Variants in STK39 observed in about 807,000 individuals in gnomAD.
STK39 encodes STE20/SPS1-related proline-alanine-rich protein kinase.
A neutral mutation model predicts 77.8 loss-of-function variants in STK39; 20 were observed. The observed-to-expected ratio is 0.26, with a 90% CI of 0.18 to 0.37. The LOEUF (loss-of-function observed/expected upper bound fraction) is 0.37. Among genes scored for constraint, STK39 ranks in the 10% least tolerant of loss-of-function variants. The pLI is 1.00. For synonymous variants in STK39, 246 were observed against 234.1 expected, an observed-to-expected ratio of 1.05 and a Z score of -0.47; for missense variants, 479 against 656.5, an observed-to-expected ratio of 0.73 and a Z score of 2.95.
intron 10 of STK39, among the ~76,000 whole-genome samples, chr2:168,118,849 C>A (rs1018710839): frequency 1.3e-5 from 2 of 152,112 alleles, no homozygotes; most frequent in Non-Finnish European, 2.9e-5. Flanking sequence ...ATAGCACCCC[C>A]TAGTGACCAA....
chr2:168,040,473 A>G (rs1195655141), intron 14 of STK39, among the ~76,000 whole-genome samples: 3 of 152,214 alleles, frequency 2.0e-5, no homozygotes, highest in Admixed American at 6.5e-5. Flanking sequence ...AATCTTCTTC[A>G]TGTGGATGAA....
intron 5 of STK39, among the ~76,000 whole-genome samples, chr2:168,147,941 C>G (rs1688185252): frequency 6.6e-6 from 1 of 152,220 alleles, no homozygotes; most frequent in Non-Finnish European, 1.5e-5. Context: ...GCAATCCAGA[C>G]TTACTTATTA....
intron 16 of STK39, among the ~76,000 whole-genome samples, chr2:167,967,885 C>T (rs549197775): frequency 1.3e-5 from 2 of 152,234 alleles, no homozygotes; most frequent in South Asian, 4.2e-4. Context: ...TGGGGTATGA[C>T]TGATCCTGTT....
intron 5 of STK39, among the ~76,000 whole-genome samples, chr2:168,147,166 G>C (rs199712188): frequency 6.6e-6 from 1 of 152,192 alleles, no homozygotes; most frequent in African/African-American, 2.4e-5. Flanking sequence ...ACTGGTTTGA[G>C]GTTCACTGGT....
chr2:168,202,062 A>G (rs1262354241), intron 1 of STK39, among the ~76,000 whole-genome samples: 2 of 152,166 alleles, frequency 1.3e-5, no homozygotes, highest in East Asian at 3.9e-4. Flanking sequence ...CCCCCGCTAC[A>G]TGCTCACCTG....
At chr2:168,168,395 A>C (rs1688740362) in intron 2 of STK39, among the ~76,000 whole-genome samples, 1 of 152,168 alleles carries the variant, frequency 6.6e-6, no homozygotes, top group Admixed American at 6.6e-5. Context: ...GACCAGTGTA[A>C]CTCACTTTCA....
intron 3 of STK39, among the ~76,000 whole-genome samples, chr2:168,165,743 A>G (rs1467765785): frequency 6.6e-6 from 1 of 151,796 alleles, no homozygotes; most frequent in East Asian, 1.9e-4. Context: ...TGCCTTCGTC[A>G]TCTCATTTTT....
intron 3 of STK39, 100 bp downstream of exon 3, chr2:168,167,199 C>T: frequency 1.0e-6 from 1 of 984,462 alleles, no homozygotes; most frequent in South Asian, 1.5e-5. Context: ...CTTTCAAACA[C>T]AGGAGAGAAA....
intron 10 of STK39, among the ~76,000 whole-genome samples, chr2:168,100,439 T>G (rs1486599423): frequency 2.0e-5 from 3 of 152,070 alleles, no homozygotes; most frequent in Non-Finnish European, 4.4e-5. Flanking sequence ...TTTAGTTAGT[T>G]AGTTTTAAAG....
chr2:168,215,608 G>C (rs1690006327), intron 1 of STK39, among the ~76,000 whole-genome samples: 1 of 152,130 alleles, frequency 6.6e-6, no homozygotes, highest in Non-Finnish European at 1.5e-5. Flanking sequence ...AGAGTTCTCT[G>C]AGACTTTTTC....
chr2:168,149,475 T>C (rs1688225241), intron 5 of STK39, among the ~76,000 whole-genome samples: 1 of 152,246 alleles, frequency 6.6e-6, no homozygotes. Flanking sequence ...TGAAACCAAA[T>C]GCCCAGACTT....
intron 13 of STK39, among the ~76,000 whole-genome samples, chr2:168,064,000 G>A (rs141493236): frequency 2.0e-5 from 3 of 152,154 alleles, no homozygotes; most frequent in Non-Finnish European, 2.9e-5. Flanking sequence ...TTCTCACCTA[G>A]AGCCCATTTT....
intron 1 of STK39, among the ~76,000 whole-genome samples, chr2:168,228,644 G>C (rs1690368442): frequency 6.6e-6 from 1 of 152,034 alleles, no homozygotes; most frequent in African/African-American, 2.4e-5. Context: ...TACAAAATTA[G>C]CCTAGTGTGG....
At position 168,147,846 on chromosome 2, in the gene STK39, G is replaced by A. The variant is rs200046852; in HGVS notation, c.629-7088C>T. Among the ~76,000 whole-genome samples the A allele has an allele frequency of 2.7e-3, 408 of 152,232 alleles. 1 individual carries two copies. The highest frequency in any genetic ancestry group is 9.1e-3 in the African/African-American group (379 of 41,536). ...CAGGGCCCTTTCACCCGATTTTCTT[G>A]GTGAAAGAAGAAAAACACAGACCAG... On this transcript the variant is annotated intron_variant, in intron 5 of 17. Transcript: ENST00000355999.
At chr2:168,153,401 G>C (rs746338709) in intron 5 of STK39, among the ~76,000 whole-genome samples, 17 of 152,286 alleles carry the variant, frequency 1.1e-4, no homozygotes, top group Non-Finnish European at 2.5e-4. Context: ...GTAGTTCTCA[G>C]ACTTCAGCCT....
At chr2:168,001,024 C>T (rs1005965020) in intron 16 of STK39, among the ~76,000 whole-genome samples, 7 of 152,144 alleles carry the variant, frequency 4.6e-5, no homozygotes, top group African/African-American at 1.7e-4. Flanking sequence ...GGTACACTGG[C>T]CAGGCCCATG....
At chr2:168,125,940 G>T (rs1338826863) in intron 10 of STK39, among the ~76,000 whole-genome samples, 1 of 152,130 alleles carries the variant, frequency 6.6e-6, no homozygotes, top group Non-Finnish European at 1.5e-5. Flanking sequence ...GGGCTCCATG[G>T]GGCTTTCTAA....
intron 8 of STK39, among the ~76,000 whole-genome samples, chr2:168,136,389 G>T (rs1474514366): frequency 2.1e-5 from 3 of 142,320 alleles, no homozygotes; most frequent in Admixed American, 6.9e-5. Context: ...AAAAAGAAAA[G>T]AAATAAAAAG....
At chr2:168,075,828 C>A (rs909980018) in intron 10 of STK39, among the ~76,000 whole-genome samples, 2 of 152,286 alleles carry the variant, frequency 1.3e-5, no homozygotes, top group South Asian at 2.1e-4. Flanking sequence ...ATTCTTAACA[C>A]ACTTTGTAGC....
Sources: gnomAD v4.1 joint callset for allele counts (sites outside exome capture counted in the v4.1 genomes callset) on GRCh38, gnomAD v4.1.1 for gene constraint, MANE v1.5 for transcripts, NCBI Gene and HGNC (gene_info 2026-07-23, HGNC 2026-07-21) for gene names.